Variants in ADAMTSL1 observed in about 807,000 individuals in gnomAD.
ADAMTSL1 encodes ADAMTS like 1, also known as ADAMTS-like protein 1.
ADAMTSL1 carries 126 observed loss-of-function variants against 201.8 expected under a neutral mutation model. The observed-to-expected ratio is 0.62, with a 90% CI of 0.54 to 0.72. The LOEUF (loss-of-function observed/expected upper bound fraction) is 0.72, where lower values mean the gene tolerates loss of function less well. Among genes scored for constraint, ADAMTSL1 ranks in the 30% least tolerant of loss-of-function variants. The probability of loss-of-function intolerance (pLI) is 0.00; values close to 1 mark genes in which losing one functional copy is unlikely to be tolerated. For missense variants in ADAMTSL1, 2,679 were observed against 2,277.8 expected (o/e 1.18, Z -3.59); for synonymous variants, 1,121 against 903.4 (o/e 1.24, Z -4.32).
chr9:18,106,154 T>C (rs1824754037), intron 1 of ADAMTSL1, among the ~76,000 whole-genome samples: 1 of 151,930 alleles, frequency 6.6e-6, no homozygotes, highest in African/African-American at 2.4e-5. Flanking sequence ...GAAAGGGGAG[T>C]CACACTGCTT....
At chr9:18,299,330 T>C (rs1280623942) in intron 2 of ADAMTSL1, among the ~76,000 whole-genome samples, 2 of 152,188 alleles carry the variant, frequency 1.3e-5, no homozygotes, top group East Asian at 1.9e-4. Flanking sequence ...ATCTTCTCCA[T>C]TGGCAGAGAA....
chr9:18,835,985 T>C (rs1429907166), intron 23 of ADAMTSL1, among the ~76,000 whole-genome samples: 1 of 152,162 alleles, frequency 6.6e-6, no homozygotes, highest in Non-Finnish European at 1.5e-5. Flanking sequence ...ACGTGTCTTT[T>C]TGGTAGAATG....
At chr9:18,684,873 G>A in intron 13 of ADAMTSL1, 73 bp downstream of exon 13, 2 of 1,533,550 alleles carry the variant, frequency 1.3e-6, no homozygotes, top group Admixed American at 4.1e-5. Flanking sequence ...CTCACTGGTT[G>A]TAGCTTTCAT....
At chr9:17,935,200 A>G (rs1423838007) in intron 1 of ADAMTSL1, among the ~76,000 whole-genome samples, 1 of 151,966 alleles carries the variant, frequency 6.6e-6, no homozygotes, top group East Asian at 1.9e-4. Context: ...TAACACACAC[A>G]GTCATGCCCT....
Position 18,282,914 on chromosome 9 carries a change from G to A in ADAMTSL1, c.207+118933G>A, listed in dbSNP as rs112683574. Reference sequence around the variant, plus strand: ...CTCCGTCTCAAAAAAGAAAAGAAAAGAATATGTGTTTGTTTTTAACCTGAA... The same window carrying A: ...CTCCGTCTCAAAAAAGAAAAGAAAAAAATATGTGTTTGTTTTTAACCTGAA... On this transcript the variant is annotated intron_variant, in intron 2 of 29. Coordinates refer to the ADAMTSL1 transcript ENST00000680146. Among the ~76,000 whole-genome samples the A allele has an allele frequency of 2.4e-3, 365 of 152,202 alleles. 1 individual carries two copies. The highest frequency in any genetic ancestry group is 8.3e-3 in the African/African-American group (345 of 41,562).
chr9:18,192,714 A>G (rs1286911594), intron 2 of ADAMTSL1, among the ~76,000 whole-genome samples: 1 of 152,156 alleles, frequency 6.6e-6, no homozygotes. Flanking sequence ...CATTTACAGT[A>G]CTGTTTATAA....
At chr9:18,304,685 T>A (rs1833839367) in intron 2 of ADAMTSL1, among the ~76,000 whole-genome samples, 1 of 152,028 alleles carries the variant, frequency 6.6e-6, no homozygotes, top group South Asian at 2.1e-4. Context: ...AGTATGTTCA[T>A]TATAAAACTT....
chr9:18,425,527 T>G (rs1819171899), intron 2 of ADAMTSL1, among the ~76,000 whole-genome samples: 1 of 152,092 alleles, frequency 6.6e-6, no homozygotes, highest in Non-Finnish European at 1.5e-5. Context: ...TAGTTCTTAG[T>G]TTTACAGCAA....
rs1051220413 is a variant in ADAMTSL1 at position 18,032,929 on chromosome 9, C to T, written c.87+126007C>T. Reference sequence around the variant, plus strand: ...CTTCCTCCTTCTTCAGCTTCAGTGTCTGCATCACCTCTCTATTGACTTTAG... The same window carrying T: ...CTTCCTCCTTCTTCAGCTTCAGTGTTTGCATCACCTCTCTATTGACTTTAG... On this transcript the variant is annotated intron_variant, in intron 1 of 29. Transcript: ENST00000680146. Among the ~76,000 whole-genome samples, 6 of 152,256 alleles carry T rather than the reference C, an allele frequency of 3.9e-5. No homozygotes were observed. The South Asian group carries it at 1.0e-3, about 26-fold the overall frequency.
At chr9:18,486,809 T>G (rs1222965131) in intron 1 of ADAMTSL1, among the ~76,000 whole-genome samples, 1 of 152,132 alleles carries the variant, frequency 6.6e-6, no homozygotes, top group Non-Finnish European at 1.5e-5. Context: ...TACCTTTGAG[T>G]GATTATTGTT....
chr9:18,463,232 C>T (rs111335618), intron 2 of ADAMTSL1, among the ~76,000 whole-genome samples: 3,083 of 152,154 alleles, frequency 0.02, 77 homozygotes, highest in African/African-American at 0.059. Flanking sequence ...GTTAATCATA[C>T]TTATTATCAC....
intron 2 of ADAMTSL1, among the ~76,000 whole-genome samples, chr9:18,235,803 G>A (rs1357455549): frequency 3.9e-5 from 6 of 152,120 alleles, no homozygotes; most frequent in African/African-American, 1.4e-4. Flanking sequence ...CAGTAGAAAG[G>A]CCAAGCTGAA....
At chr9:18,542,076 G>A (rs186431579) in intron 3 of ADAMTSL1, among the ~76,000 whole-genome samples, 128 of 152,304 alleles carry the variant, frequency 8.4e-4, no homozygotes, top group African/African-American at 2.9e-3. Flanking sequence ...AGAGCAGGGA[G>A]GGACTGAATA....
At chr9:18,670,360 C>T (rs1339724323) in intron 9 of ADAMTSL1, among the ~76,000 whole-genome samples, 3 of 152,114 alleles carry the variant, frequency 2.0e-5, no homozygotes. Context: ...GGGAGATAGC[C>T]AATGAAAAGA....
At chr9:18,739,662 G>C (rs1049077655) in intron 15 of ADAMTSL1, among the ~76,000 whole-genome samples, 5 of 152,166 alleles carry the variant, frequency 3.3e-5, no homozygotes, top group Non-Finnish European at 7.3e-5. Flanking sequence ...GGTCACTTTT[G>C]TGTGGTCATA....
chr9:18,807,884 T>C (rs55921006), intron 20 of ADAMTSL1, among the ~76,000 whole-genome samples: 6,359 of 152,254 alleles, frequency 0.042, 179 homozygotes, highest in East Asian at 0.13. Context: ...TTAACTTCTA[T>C]GGTTAAACTA....
In ADAMTSL1 at chr9:18,777,004, G is replaced by A. The variant is rs1588089592; in HGVS notation, c.2775G>A (p.Thr925=). The A allele has an allele frequency of 1.9e-6, 3 of 1,604,522 alleles. No homozygotes were observed. Among genetic ancestry groups the A allele is most frequent in the East Asian group, 2.2e-5 (1 of 44,652 alleles). Residue 925 remains threonine, a synonymous_variant, in exon 19 of 29, where the codon ACG becomes ACA. Transcript: ENST00000380548. ...ACCTCATCAGCTCGACGCACGTCAC[G>A]GTGGCCCCCTTCGGCTATCTCAAGA... ...GQHLISSTHV[T]VAPFGYLKIH... is the part of the protein sequence containing the mutation.
chr9:18,172,967 C>T (rs1036732433), intron 2 of ADAMTSL1, among the ~76,000 whole-genome samples: 3 of 151,982 alleles, frequency 2.0e-5, no homozygotes, highest in Non-Finnish European at 4.4e-5. Context: ...TTGGGATGTT[C>T]GCTAACCTCT....
intron 2 of ADAMTSL1, among the ~76,000 whole-genome samples, chr9:18,506,750 A>G (rs1184938654): frequency 2.0e-5 from 3 of 152,126 alleles, no homozygotes; most frequent in African/African-American, 7.2e-5. Flanking sequence ...ATATGTCCCT[A>G]TTTTACTTTC....
Sources: allele counts gnomAD v4.1 joint callset (sites outside exome capture counted in the v4.1 genomes callset), GRCh38; gene constraint gnomAD v4.1.1; transcripts MANE v1.5; gene names NCBI Gene and HGNC (gene_info 2026-07-23, HGNC 2026-07-21).